CDH11: variants seen among roughly 807,000 people sequenced by gnomAD.
The protein encoded by CDH11 is cadherin 11.
Under a neutral mutation model 67.8 loss-of-function variants are expected in CDH11, and 11 were observed. The ratio of observed to expected loss-of-function variants is 0.16; its 90% CI spans 0.10 to 0.27. The LOEUF is 0.27. Ranked by LOEUF, CDH11 falls within the 10% of genes least tolerant of loss-of-function variation. CDH11 has a pLI of 1.00. For missense variants in CDH11, 847 were observed against 1,031.2 expected, an observed-to-expected ratio of 0.82 and a Z score of 2.45; for synonymous variants, 419 against 400.0, an observed-to-expected ratio of 1.05 and a Z score of -0.57.
At chr16:64,968,120 T>C (rs2142416210) in intron 11 of CDH11, among the ~76,000 whole-genome samples, 1 of 152,274 alleles carries the variant, frequency 6.6e-6, no homozygotes, top group Non-Finnish European at 1.5e-5. Context: ...AACAGGGCCC[T>C]CCAAATATTT....
intron 11 of CDH11, among the ~76,000 whole-genome samples, chr16:64,963,873 G>A (rs1007108860): frequency 2.6e-5 from 4 of 152,090 alleles, no homozygotes; most frequent in African/African-American, 9.7e-5. Flanking sequence ...TCCTTTAAAA[G>A]TGAAGGAGAA....
At chr16:65,118,221 A>G (rs1054160342) in intron 1 of CDH11, among the ~76,000 whole-genome samples, 2 of 152,150 alleles carry the variant, frequency 1.3e-5, no homozygotes, top group African/African-American at 2.4e-5. Context: ...AGAGTTGTAC[A>G]AGGCTCTCAA....
intron 2 of CDH11, among the ~76,000 whole-genome samples, chr16:65,051,239 C>T (rs566325617): frequency 1.5e-4 from 23 of 152,270 alleles, no homozygotes; most frequent in Non-Finnish European, 2.5e-4. Flanking sequence ...GGACTCCTCA[C>T]GTTGAAATGT....
At chr16:65,022,215 C>T (rs1356316020) in intron 2 of CDH11, among the ~76,000 whole-genome samples, 1 of 148,148 alleles carries the variant, frequency 6.8e-6, no homozygotes, top group Non-Finnish European at 1.5e-5. Flanking sequence ...GCCAATATTT[C>T]TTGCAATCTT....
intron 2 of CDH11, among the ~76,000 whole-genome samples, chr16:65,042,762 A>G (rs897940833): frequency 6.6e-6 from 1 of 152,138 alleles, no homozygotes; most frequent in African/African-American, 2.4e-5. Context: ...TTTTTCATTC[A>G]ACTTCTGATC....
chr16:65,097,105 CTGGTTGTTTTACAT>C (rs1306102532), intron 1 of CDH11, among the ~76,000 whole-genome samples: 9 of 152,074 alleles, frequency 5.9e-5, no homozygotes, highest in African/African-American at 2.2e-4. Flanking sequence ...GTTTTACATA[CTGGTTGTTTTACAT>C]ACACAGAGAC....
In CDH11 at chr16:64,948,916, G is replaced by T. The variant is rs1052266863; in HGVS notation, c.1895-817C>A. On this transcript the variant is annotated intron_variant, in intron 12 of 12. Transcript: ENST00000268603. ...AAGGCTCTCCCATACACCCAGCAAG[G>T]CTGAAGAAAATGTTTGTGGCTGAAT... is the stretch of plus-strand genomic sequence containing the variant. 19 of 668,830 alleles carry T rather than the reference G, an allele frequency of 2.8e-5. No individual in the cohort carries two copies. The African/African-American group carries it at 3.3e-4, about 12-fold the overall frequency. The allele number at this position is 668,830 out of a possible 1,614,324, so 41.4% of individuals were successfully genotyped here. A position where few individuals can be genotyped will look rare whatever the true frequency, so the allele number is the denominator to read the frequency against.
At chr16:64,952,802 T>A (rs2071398029) in intron 11 of CDH11, among the ~76,000 whole-genome samples, 1 of 152,042 alleles carries the variant, frequency 6.6e-6, no homozygotes, top group African/African-American at 2.4e-5. Context: ...TTTAAATAGG[T>A]TGACAGGATT....
chr16:64,995,648 A>G (rs918147765), intron 4 of CDH11, among the ~76,000 whole-genome samples: 1 of 152,212 alleles, frequency 6.6e-6, no homozygotes, highest in African/African-American at 2.4e-5. Flanking sequence ...CCCTAGAGAA[A>G]AAAACCCAGG....
chr16:64,994,216 C>G (rs371326536), intron 4 of CDH11, among the ~76,000 whole-genome samples: 1 of 152,240 alleles, frequency 6.6e-6, no homozygotes, highest in East Asian at 1.9e-4. Flanking sequence ...GAAACAATCT[C>G]TTTGGAGCTC....
At chr16:65,010,988 C>A (rs192293) in intron 2 of CDH11, among the ~76,000 whole-genome samples, 2 of 124,444 alleles carry the variant, frequency 1.6e-5, no homozygotes, top group Non-Finnish European at 3.7e-5. Flanking sequence ...TATATATATA[C>A]ACACACATAT....
chr16:64,948,788 C>A, intron 12 of CDH11: 1 of 1,587,740 alleles, frequency 6.3e-7, no homozygotes, highest in African/African-American at 1.3e-5. Context: ...CTTGGGCAAC[C>A]TAGGAGGGGT....
intron 1 of CDH11, among the ~76,000 whole-genome samples, chr16:65,082,070 G>C (rs2074620432): frequency 6.6e-6 from 1 of 152,124 alleles, no homozygotes; most frequent in Non-Finnish European, 1.5e-5. Context: ...TTCCTTCCCA[G>C]AGGCCATGGA....
At chr16:65,043,817 C>A (rs776179984) in intron 2 of CDH11, among the ~76,000 whole-genome samples, 2 of 152,072 alleles carry the variant, frequency 1.3e-5, no homozygotes, top group East Asian at 3.9e-4. Context: ...TTTGATAGAA[C>A]ATTGGCATTG....
intron 2 of CDH11, among the ~76,000 whole-genome samples, chr16:65,040,707 A>T (rs1034396066): frequency 6.6e-6 from 1 of 152,176 alleles, no homozygotes; most frequent in Non-Finnish European, 1.5e-5. Flanking sequence ...AAAGTATAAT[A>T]AAAAAATTAC....
At chr16:64,952,672 ATACACACACACACT>A (rs1335751526) in intron 11 of CDH11, among the ~76,000 whole-genome samples, 1 of 134,746 alleles carries the variant, frequency 7.4e-6, no homozygotes, top group Non-Finnish European at 1.7e-5. Flanking sequence ...ACACACACAC[ATACACACACACACT>A]CACACTGAAC....
chr16:65,066,297 G>A (rs571892210), intron 1 of CDH11, among the ~76,000 whole-genome samples: 4 of 152,172 alleles, frequency 2.6e-5, no homozygotes, highest in South Asian at 4.2e-4. Context: ...CTACACACAC[G>A]CACAAAGCTT....
At chr16:65,031,441 T>C (rs903595371) in intron 2 of CDH11, among the ~76,000 whole-genome samples, 1 of 152,186 alleles carries the variant, frequency 6.6e-6, no homozygotes, top group Non-Finnish European at 1.5e-5. Context: ...CAGAGTCACA[T>C]AAACCAAGGT....
chr16:65,074,569 C>T (rs937443383), intron 1 of CDH11, among the ~76,000 whole-genome samples: 1 of 152,182 alleles, frequency 6.6e-6, no homozygotes, highest in South Asian at 2.1e-4. Flanking sequence ...CAAGAAAGCA[C>T]CCAAGAATTG....
Sources: allele counts gnomAD v4.1 joint callset (sites outside exome capture counted in the v4.1 genomes callset), GRCh38; gene constraint gnomAD v4.1.1; transcripts MANE v1.5; gene names NCBI Gene and HGNC (gene_info 2026-07-23, HGNC 2026-07-21).